Variants in ST6GALNAC5 observed in about 807,000 individuals in gnomAD.
ST6GALNAC5 encodes the protein alpha-N-acetylgalactosaminide alpha-2,6-sialyltransferase 5.
In ST6GALNAC5, 27 loss-of-function variants were observed where a neutral mutation model predicts 33.6. The observed-to-expected ratio is 0.80, with a 90% CI of 0.59 to 1.11. ST6GALNAC5 has a LOEUF of 1.11. Among genes scored for constraint, ST6GALNAC5 ranks in the 50% least tolerant of loss-of-function variants. ST6GALNAC5 has a pLI of 0.00. For synonymous variants in ST6GALNAC5, 194 were observed against 171.2 expected (o/e 1.13, Z -1.04); for missense variants, 428 against 454.0 (o/e 0.94, Z 0.52).
At chr1:76,875,757 A>C (rs770824395) in intron 2 of ST6GALNAC5, among the ~76,000 whole-genome samples, 1 of 152,074 alleles carries the variant, frequency 6.6e-6, no homozygotes, top group Non-Finnish European at 1.5e-5. Flanking sequence ...TGGGAGAAAC[A>C]GTACCATATA....
At chr1:76,971,946 A>C (rs1648775106) in intron 2 of ST6GALNAC5, among the ~76,000 whole-genome samples, 1 of 152,182 alleles carries the variant, frequency 6.6e-6, no homozygotes, top group African/African-American at 2.4e-5. Flanking sequence ...TCCAGTTTCC[A>C]TCCCTCTCAA....
At chr1:77,060,726 A>G (rs1422435405) in intron 4 of ST6GALNAC5, among the ~76,000 whole-genome samples, 2 of 152,198 alleles carry the variant, frequency 1.3e-5, no homozygotes, top group African/African-American at 4.8e-5. Context: ...CTTCCTGAAT[A>G]AGGAAATTGA....
At chr1:77,037,686 C>T (rs969789592) in intron 2 of ST6GALNAC5, among the ~76,000 whole-genome samples, 8 of 151,812 alleles carry the variant, frequency 5.3e-5, no homozygotes, top group African/African-American at 1.9e-4. Flanking sequence ...AAAGGGGACC[C>T]TAGGATCTAC....
At chr1:76,969,086 C>T (rs1345286317) in intron 2 of ST6GALNAC5, among the ~76,000 whole-genome samples, 3 of 152,116 alleles carry the variant, frequency 2.0e-5, no homozygotes, top group African/African-American at 7.2e-5. Flanking sequence ...CTCCAGTCTG[C>T]AGCTCCCAGT....
At chr1:77,029,261 T>G (rs527470823) in intron 2 of ST6GALNAC5, among the ~76,000 whole-genome samples, 2 of 152,300 alleles carry the variant, frequency 1.3e-5, no homozygotes, top group South Asian at 4.2e-4. Flanking sequence ...CGAGTATAGT[T>G]ACATTGCCTG....
At chr1:77,061,255 T>A (rs1652565915) in intron 4 of ST6GALNAC5, among the ~76,000 whole-genome samples, 1 of 151,788 alleles carries the variant, frequency 6.6e-6, no homozygotes, top group African/African-American at 2.4e-5. Context: ...GTTTAGATGC[T>A]GCATGACAAA....
chr1:76,957,016 T>C (rs1648028084), intron 2 of ST6GALNAC5, among the ~76,000 whole-genome samples: 1 of 152,322 alleles, frequency 6.6e-6, no homozygotes, highest in South Asian at 2.1e-4. Context: ...TTACCCAACT[T>C]GTAATTTTGA....
chr1:76,895,719 G>A, intron 2 of ST6GALNAC5, among the ~76,000 whole-genome samples: 1 of 152,218 alleles, frequency 6.6e-6, no homozygotes, highest in Non-Finnish European at 1.5e-5. Flanking sequence ...GTGTAAACAA[G>A]AGCAGGGCAT....
intron 2 of ST6GALNAC5, among the ~76,000 whole-genome samples, chr1:76,919,506 C>T (rs1647010124): frequency 6.6e-6 from 1 of 152,164 alleles, no homozygotes; most frequent in South Asian, 2.1e-4. Flanking sequence ...GACACTCCCT[C>T]TGTTAAAGGA....
chr1:76,923,347 G>A (rs1394375292), intron 2 of ST6GALNAC5, among the ~76,000 whole-genome samples: 2 of 152,098 alleles, frequency 1.3e-5, no homozygotes, highest in East Asian at 3.9e-4. Flanking sequence ...ATTGGACGGG[G>A]TTTGGAACAG....
At chr1:77,029,745 T>C (rs1368276531) in intron 2 of ST6GALNAC5, among the ~76,000 whole-genome samples, 1 of 152,208 alleles carries the variant, frequency 6.6e-6, no homozygotes, top group African/African-American at 2.4e-5. Context: ...GACACCTCAT[T>C]TTGAAGCCTG....
intron 2 of ST6GALNAC5, among the ~76,000 whole-genome samples, chr1:76,965,414 G>C (rs1466463795): frequency 6.6e-6 from 1 of 152,116 alleles, no homozygotes; most frequent in Non-Finnish European, 1.5e-5. Context: ...GTCTTCTTTT[G>C]AGAAGTGTCT....
chr1:77,002,098 C>T (rs969657817), intron 2 of ST6GALNAC5, among the ~76,000 whole-genome samples: 5 of 151,942 alleles, frequency 3.3e-5, no homozygotes, highest in Non-Finnish European at 1.5e-5. Context: ...TGGTAGAATT[C>T]GGCTGTGAAT....
At chr1:76,979,583 G>A (rs764229709) in intron 2 of ST6GALNAC5, among the ~76,000 whole-genome samples, 4 of 152,172 alleles carry the variant, frequency 2.6e-5, no homozygotes, top group Non-Finnish European at 4.4e-5. Flanking sequence ...TCAGAAGAAT[G>A]AAACTAGACT....
At chr1:77,062,875 A>G in intron 4 of ST6GALNAC5, 100 bp from the exon 5 acceptor site, 1 of 798,156 alleles carries the variant, frequency 1.3e-6, no homozygotes, top group East Asian at 2.6e-5. Context: ...ACTAGAAAAT[A>G]CAATTTTTAT....
intron 4 of ST6GALNAC5, among the ~76,000 whole-genome samples, chr1:77,059,446 C>A (rs61122362): frequency 0.036 from 5,423 of 152,152 alleles, 195 homozygotes; most frequent in African/African-American, 0.092. Flanking sequence ...TAATGTTTTC[C>A]TGTGCTTAGA....
At chr1:77,023,419 C>T (rs751403557) in intron 2 of ST6GALNAC5, among the ~76,000 whole-genome samples, 31 of 152,312 alleles carry the variant, frequency 2.0e-4, no homozygotes, top group Admixed American at 6.5e-4. Context: ...TCAGGGCCAC[C>T]GGCACCAGGC....
chr1:76,883,629 A>G (rs1319860227), intron 2 of ST6GALNAC5, among the ~76,000 whole-genome samples: 1 of 152,234 alleles, frequency 6.6e-6, no homozygotes, highest in African/African-American at 2.4e-5. Context: ...AATGATGCCC[A>G]TATTTGAAAA....
At chr1:77,011,573 A>G (rs991970519) in intron 2 of ST6GALNAC5, among the ~76,000 whole-genome samples, 7 of 152,250 alleles carry the variant, frequency 4.6e-5, no homozygotes, top group African/African-American at 1.7e-4. Flanking sequence ...AGACTAATTG[A>G]ACTTGTTTTA....
Sources: gnomAD v4.1 joint callset for allele counts (sites outside exome capture counted in the v4.1 genomes callset) on GRCh38, gnomAD v4.1.1 for gene constraint, MANE v1.5 for transcripts, NCBI Gene and HGNC (gene_info 2026-07-23, HGNC 2026-07-21) for gene names.